Variants in CDH20 observed in about 807,000 individuals in gnomAD.
CDH20 encodes cadherin 20.
A neutral mutation model predicts 74.2 loss-of-function variants in CDH20; 29 were observed. The observed-to-expected ratio is 0.39, with a 90% CI of 0.29 to 0.53. The LOEUF (loss-of-function observed/expected upper bound fraction) is 0.53, where lower values mean the gene tolerates loss of function less well. Among genes scored for constraint, CDH20 ranks in the 20% least tolerant of loss-of-function variants. The pLI, the probability that CDH20 is intolerant of heterozygous loss-of-function variation, is 0.69. For synonymous variants in CDH20, 469 were observed against 405.4 expected, an observed-to-expected ratio of 1.16 and a Z score of -1.88; for missense variants, 988 against 1,048.3, an observed-to-expected ratio of 0.94 and a Z score of 0.79.
intron 1 of CDH20, among the ~76,000 whole-genome samples, chr18:61,471,010 G>A (rs905791015): frequency 5.3e-5 from 8 of 151,826 alleles, no homozygotes; most frequent in African/African-American, 1.7e-4. Context: ...CATGTAACTT[G>A]ATTAAGAAAC....
rs73449432 is a variant in CDH20 at position 61,461,983 on chromosome 18, T to G, written c.-152-28419T>G. 7.2e-3 allele frequency among the ~76,000 whole-genome samples: 1,096 copies of G among 152,286 alleles called. 12 individuals are homozygous for G. The highest frequency in any genetic ancestry group is 0.025 in the African/African-American group (1,047 of 41,542). On this transcript the variant is annotated intron_variant, in intron 1 of 11. Coordinates refer to ENST00000262717, the MANE Select transcript of CDH20 (RefSeq NM_031891.4). ...GAAGACTTGGCCCGCATTCAGAGGCTGCAGTGAAGTTACAAAGTTACACTC... is the reference window on the plus strand; with the variant it reads ...GAAGACTTGGCCCGCATTCAGAGGCGGCAGTGAAGTTACAAAGTTACACTC...
At chr18:61,451,765 A>C (rs574987454) in intron 1 of CDH20, among the ~76,000 whole-genome samples, 2 of 152,198 alleles carry the variant, frequency 1.3e-5, no homozygotes, top group Admixed American at 1.3e-4. Context: ...AAATCAAGAG[A>C]AGCATTCTTG....
At chr18:61,372,075 TCTA>T (rs1405396065) in intron 1 of CDH20, among the ~76,000 whole-genome samples, 1 of 152,096 alleles carries the variant, frequency 6.6e-6, no homozygotes, top group Non-Finnish European at 1.5e-5. Flanking sequence ...TAGGAACCCT[TCTA>T]CTTTTCACTC....
chr18:61,458,928 G>T (rs1267501558), intron 1 of CDH20, among the ~76,000 whole-genome samples: 1 of 152,172 alleles, frequency 6.6e-6, no homozygotes, highest in Non-Finnish European at 1.5e-5. Flanking sequence ...TAAAATGACT[G>T]CAGTCCTTGT....
intron 8 of CDH20, among the ~76,000 whole-genome samples, chr18:61,537,510 C>T (rs568487198): frequency 6.6e-6 from 1 of 152,244 alleles, no homozygotes; most frequent in South Asian, 2.1e-4. Context: ...GCTTTCAAAA[C>T]ATATTCAATG....
chr18:61,410,172 T>C (rs1912450497), intron 1 of CDH20, among the ~76,000 whole-genome samples: 1 of 152,166 alleles, frequency 6.6e-6, no homozygotes. Context: ...AACCACTGTG[T>C]TCTCCTTAGT....
chr18:61,385,004 G>A (rs141068547), intron 1 of CDH20, among the ~76,000 whole-genome samples: 34 of 152,046 alleles, frequency 2.2e-4, no homozygotes, highest in East Asian at 2.1e-3. Context: ...TCCTTTTACC[G>A]TCTCATTAAC....
intron 1 of CDH20, among the ~76,000 whole-genome samples, chr18:61,471,143 A>C (rs1258757701): frequency 6.6e-6 from 1 of 152,238 alleles, no homozygotes; most frequent in African/African-American, 2.4e-5. Flanking sequence ...TAACTCTGAA[A>C]AAAATGTGAC....
intron 1 of CDH20, among the ~76,000 whole-genome samples, chr18:61,369,835 C>T (rs953736685): frequency 3.3e-5 from 5 of 151,984 alleles, no homozygotes; most frequent in Non-Finnish European, 7.4e-5. Flanking sequence ...TACCACATGT[C>T]CTCACTTGTA....
chr18:61,554,818 G>T lies in CDH20; in HGVS notation c.*123G>T. 1 of 1,430,790 alleles carries T rather than the reference G, an allele frequency of 7.0e-7. No individual in the cohort carries two copies. Among genetic ancestry groups the T allele is most frequent in the Non-Finnish European group, 9.1e-7 (1 of 1,095,058 alleles). The allele number at this position is 1,430,790 out of a possible 1,614,324, so 88.6% of individuals were successfully genotyped here. The stretch of plus-strand genomic sequence containing the variant: ...AGAGTGAGAATGGGGGTGAGCAGGC[G>T]AACAGAGCTCTCTCTGGATCAGCTT... On this transcript the variant is annotated 3_prime_UTR_variant, in exon 12 of 12. Transcript: ENST00000262717.
chr18:61,451,631 TAAC>T (rs1909389907), intron 1 of CDH20, among the ~76,000 whole-genome samples: 1 of 152,128 alleles, frequency 6.6e-6, no homozygotes, highest in South Asian at 2.1e-4. Flanking sequence ...AGAAATAGTT[TAAC>T]AATAAGCCAC....
At chr18:61,341,428 C>A (rs971642402) in intron 1 of CDH20, among the ~76,000 whole-genome samples, 1 of 151,792 alleles carries the variant, frequency 6.6e-6, no homozygotes, top group Non-Finnish European at 1.5e-5. Flanking sequence ...TTGAGCCCCC[C>A]CCCCGCCTAA....
chr18:61,402,052 T>C (rs1275528976), intron 1 of CDH20, among the ~76,000 whole-genome samples: 1 of 152,238 alleles, frequency 6.6e-6, no homozygotes, highest in Non-Finnish European at 1.5e-5. Context: ...GAACATGAGG[T>C]TCTAGTCACA....
At chr18:61,550,594 A>C (rs1913399698) in intron 11 of CDH20, among the ~76,000 whole-genome samples, 1 of 152,194 alleles carries the variant, frequency 6.6e-6, no homozygotes, top group Non-Finnish European at 1.5e-5. Context: ...TTTGATGATC[A>C]CCTCTTCTAA....
intron 1 of CDH20, among the ~76,000 whole-genome samples, chr18:61,431,476 T>C (rs981269592): frequency 6.6e-6 from 1 of 152,192 alleles, no homozygotes; most frequent in African/African-American, 2.4e-5. Flanking sequence ...GACTAGTTAA[T>C]AATAACATAT....
chr18:61,549,874 A>C, intron 10 of CDH20, 104 bp from the exon 11 acceptor site: 2 of 1,168,826 alleles, frequency 1.7e-6, no homozygotes, highest in Non-Finnish European at 2.5e-6. Flanking sequence ...ATATCTGACT[A>C]TCCTCTTTCC....
At chr18:61,360,719 AG>A (rs541442520) in intron 1 of CDH20, among the ~76,000 whole-genome samples, 6 of 152,224 alleles carry the variant, frequency 3.9e-5, no homozygotes, top group Non-Finnish European at 8.8e-5. Flanking sequence ...GAGAAGGAAC[AG>A]TGCATGACAG....
At chr18:61,485,148 C>T (rs1350818706) in intron 1 of CDH20, among the ~76,000 whole-genome samples, 1 of 152,122 alleles carries the variant, frequency 6.6e-6, no homozygotes, top group Non-Finnish European at 1.5e-5. Flanking sequence ...AAGAAATCTC[C>T]AAGGAAATTA....
At chr18:61,395,881 A>C (rs1911950334) in intron 1 of CDH20, among the ~76,000 whole-genome samples, 1 of 152,146 alleles carries the variant, frequency 6.6e-6, no homozygotes, top group South Asian at 2.1e-4. Context: ...GAAAATACAA[A>C]AATTAGTTGG....
Sources: allele counts gnomAD v4.1 joint callset (sites outside exome capture counted in the v4.1 genomes callset), GRCh38; gene constraint gnomAD v4.1.1; transcripts MANE v1.5; gene names NCBI Gene and HGNC (gene_info 2026-07-23, HGNC 2026-07-21).